The following CDC42BPG variants were observed in gnomAD, a reference collection of about 807,000 sequenced individuals.
CDC42BPG encodes the protein serine/threonine-protein kinase MRCK gamma.
In CDC42BPG, 157 loss-of-function variants were observed where a neutral mutation model predicts 192.2. That is an observed-to-expected ratio of 0.82 (90% CI 0.72 to 0.93). The LOEUF (loss-of-function observed/expected upper bound fraction) is 0.93. CDC42BPG is among the 40% of genes least tolerant of loss of function. The pLI is 0.00. For missense variants in CDC42BPG, 1,992 were observed against 2,122.1 expected (o/e 0.94, Z 1.20); for synonymous variants, 981 against 918.5 (o/e 1.07, Z -1.23).
intron 3 of CDC42BPG, 39 bp from the exon 4 acceptor site, chr11:64,840,687 CA>C: frequency 1.3e-6 from 2 of 1,590,052 alleles, no homozygotes; most frequent in Non-Finnish European, 1.7e-6. Flanking sequence ...GGGGTGGGAT[CA>C]GAGCCCAGGA....
Position 64,839,609 on chromosome 11 carries a change from CTGTG to C in CDC42BPG, c.582-42_582-39del, listed in dbSNP as rs574024522. 91 of 1,577,476 alleles carry C rather than the reference CTGTG, an allele frequency of 5.8e-5. No individual in the cohort carries two copies. The African/African-American group carries it at 1.0e-3, about 18-fold the overall frequency. ...AGGCAGGGAGAGTGAGGCGTTTGAC[CTGTG>C]TGTAAGTGGCCATTTAGGCACACGC... On this transcript the variant is annotated intron_variant, in intron 5 of 36. Transcript: ENST00000342711.
chr11:64,842,476 C>T (rs188246095), intron 1 of CDC42BPG, among the ~76,000 whole-genome samples: 9 of 152,248 alleles, frequency 5.9e-5, no homozygotes, highest in Admixed American at 2.6e-4. Context: ...ATGCTTCCCA[C>T]GTGGGGCCCC....
At chr11:64,836,714 G>GGGC in intron 11 of CDC42BPG, 25 bp downstream of exon 11, 3 of 866,540 alleles carry the variant, frequency 3.5e-6, no homozygotes, top group East Asian at 2.9e-5. Flanking sequence ...CCTGGGGGGG[G>GGGC]GGGGGGGGTG....
Position 64,827,146 on chromosome 11 carries a change from A to T in CDC42BPG, c.4293T>A (p.Phe1431Leu). Residue 1431 changes from phenylalanine to leucine, a missense_variant, in exon 34 of 37, where the codon TTT becomes TTA. By Grantham distance (22) the Phe-to-Leu change is conservative (BLOSUM62 0). Transcript: ENST00000342711. ...QQRREMLKDP[F>L]VRSKLISPPT... ...GCGGCGAGATGAGCTTGGAGCGCAC[A>T]AAAGGGTCCTTCAGCATCTCCCTGT... The T allele has an allele frequency of 6.2e-7, 1 of 1,614,022 alleles. No homozygotes were observed. The highest frequency in any genetic ancestry group is 8.5e-7 in the Non-Finnish European group (1 of 1,179,932).
In CDC42BPG at chr11:64,831,521, G is replaced by A. The variant is rs1014700442; in HGVS notation, c.3288C>T (p.Leu1096=). ...DNGLPLLPHT[L]CAAILDQDRL... ...CCAGCTCACCGAGGATGGCAGCGCA[G>A]AGCGTGTGAGGCAGCAGCGGCAGCC... Residue 1096 remains leucine (L), a synonymous_variant, in exon 28 of 37, where the codon CTC becomes CTT. Transcript: ENST00000342711. 4 of 1,610,076 alleles carry A rather than the reference G, an allele frequency of 2.5e-6. No individual in the cohort carries two copies. The highest frequency in any genetic ancestry group is 1.1e-5 in the South Asian group (1 of 90,904).
chr11:64,840,013 G>A, intron 5 of CDC42BPG, 107 bp downstream of exon 5: 1 of 1,140,128 alleles, frequency 8.8e-7, no homozygotes, highest in Non-Finnish European at 1.2e-6. Flanking sequence ...CCAGAGAAGT[G>A]CCTGGCACAT....
Position 64,836,295 on chromosome 11 carries a change from T to C in CDC42BPG, c.1490A>G (p.Glu497Gly). 6.2e-7 allele frequency: 1 copy of C among 1,607,480 alleles called. No homozygotes were observed. The highest frequency in any genetic ancestry group is 1.1e-5 in the South Asian group (1 of 90,690). Residue 497 changes from glutamate (E) to glycine (G), a missense_variant and splice_region_variant, in exon 13 of 37, where the codon GAG becomes GGG. Coordinates refer to ENST00000342711, the MANE Select transcript of CDC42BPG (RefSeq NM_017525.3). ...CAGCCCTGCCCGACCCTCGGCCAGC[T>C]CCTGAGGAGGCAGGGGAGGGAGCGG... ...LRQELDRLHR[E>G]LAEGRAGLQA...
At position 64,840,169 on chromosome 11, in the gene CDC42BPG, C is replaced by G; in HGVS notation, c.532G>C (p.Glu178Gln). Reference protein sequence around the residue: ...PPELAQFYLAEMVLAIHSLHQ... With the variant: ...PPELAQFYLAQMVLAIHSLHQ... ...AGCGAGTGGATGGCCAGCACCATCT[C>G]AGCCAGGTAGAACTGGGCCAGCTCG... Residue 178 changes from glutamate to glutamine, a missense_variant, in exon 5 of 37, where the codon GAG (glutamate) becomes CAG (glutamine). Physicochemically the swap from Glu to Gln is conservative, Grantham distance 29. Transcript: ENST00000342711. The G allele has an allele frequency of 6.2e-7, 1 of 1,613,120 alleles. No individual in the cohort carries two copies. Among genetic ancestry groups the G allele is most frequent in the Non-Finnish European group, 8.5e-7 (1 of 1,179,938 alleles).
At position 64,831,381 on chromosome 11, in the gene CDC42BPG, G is replaced by A. The variant is rs1428084526; in HGVS notation, c.3304+124C>T. 18 of 897,556 alleles carry A rather than the reference G, an allele frequency of 2.0e-5. 1 individual carries two copies. Among genetic ancestry groups the A allele is most frequent in the South Asian group, 1.3e-4 (8 of 61,598 alleles). 55.6% of individuals were successfully genotyped at this position (897,556 alleles called of 1,614,324 possible). ...CAGGAGGCTGGAGCACATACGTGGT[G>A]CAAGGCAGTCTGTGTCTCGTGGCTG... On this transcript the variant is annotated intron_variant, in intron 28 of 36. Transcript: ENST00000342711.
At chr11:64,844,308 A>G in intron 1 of CDC42BPG, 102 bp downstream of exon 1, 1 of 1,149,794 alleles carries the variant, frequency 8.7e-7, no homozygotes, top group Non-Finnish European at 1.1e-6. Context: ...CTGCGAGGGA[A>G]GCCCGTGGGG....
intron 12 of CDC42BPG, 62 bp from the exon 13 acceptor site, chr11:64,836,358 T>C: frequency 1.4e-6 from 2 of 1,438,380 alleles, no homozygotes; most frequent in Non-Finnish European, 9.6e-7. Flanking sequence ...GAACCGTCCA[T>C]GGAGCCCAGG....
At chr11:64,841,125 T>C (rs973173345) in intron 3 of CDC42BPG, among the ~76,000 whole-genome samples, 22 of 148,146 alleles carry the variant, frequency 1.5e-4, no homozygotes, top group African/African-American at 5.3e-4. Context: ...CACTCCAGCC[T>C]GGGTGACAGA....
rs55975541 is a variant in CDC42BPG at position 64,829,729 on chromosome 11, G to A, written c.3709C>T (p.Arg1237Trp). The stretch of plus-strand genomic sequence containing the variant: ...CCACCGGCGGCGCCCACACATAGCC[G>A]GTCGCCCAGCAGCCCCAGGCTCTGC... ...TVQSLGLLGD[R>W]LCVGAAGGFA... is the part of the protein sequence containing the mutation. Residue 1237 changes from arginine to tryptophan, a missense_variant, in exon 30 of 37, where the codon CGG (arginine) becomes TGG (tryptophan). Transcript: ENST00000342711. 6.7e-3 allele frequency: 10,747 copies of A among 1,608,920 alleles called. 537 individuals carry two copies. The East Asian group carries it at 0.15, about 22-fold the overall frequency.
At chr11:64,827,987 C>T (rs905193107) in intron 30 of CDC42BPG, among the ~76,000 whole-genome samples, 1 of 152,206 alleles carries the variant, frequency 6.6e-6, no homozygotes, top group Non-Finnish European at 1.5e-5. Context: ...CTAAACACGA[C>T]ATGCTTTTCC....
chr11:64,841,637 A>G lies in CDC42BPG; in HGVS notation c.336+13T>C, dbSNP rs1214271485. 6.3e-7 allele frequency: 1 copy of G among 1,598,634 alleles called. No homozygotes were observed. On this transcript the variant is annotated intron_variant, in intron 3 of 36. Transcript: ENST00000342711. ...TGTAGGGTGCCCAAGGGCCCCCCAG[A>G]CTCCACACTGACCTCAGCCCTCTTC...
chr11:64,835,017 T>TGCCCCCC, intron 17 of CDC42BPG, 30 bp downstream of exon 17: 11 of 1,571,928 alleles, frequency 7.0e-6, no homozygotes, highest in Non-Finnish European at 9.6e-6. Context: ...TCGCCTGCGT[T>TGCCCCCC]CCCCACCCCG....
At position 64,836,416 on chromosome 11, in the gene CDC42BPG, C is replaced by T. The variant is rs1942992122; in HGVS notation, c.1488+11G>A. On this transcript the variant is annotated intron_variant, in intron 12 of 36. Coordinates refer to ENST00000342711, the MANE Select transcript of CDC42BPG (RefSeq NM_017525.3). ...CTCACCCAGCCCTCACCCACCTCACCCAGCCCTCACCCGGTGAAGTCGGTC... is the reference window on the plus strand; with the variant it reads ...CTCACCCAGCCCTCACCCACCTCACTCAGCCCTCACCCGGTGAAGTCGGTC... The T allele has an allele frequency of 1.2e-6, 2 of 1,611,328 alleles. No individual in the cohort carries two copies. Among genetic ancestry groups the T allele is most frequent in the African/African-American group, 1.3e-5 (1 of 74,846 alleles).
At chr11:64,826,610 C>T in intron 35 of CDC42BPG, 55 bp from the exon 36 acceptor site, 1 of 1,559,220 alleles carries the variant, frequency 6.4e-7, no homozygotes, top group Non-Finnish European at 8.7e-7. Context: ...TTCAGGGATC[C>T]AAAGGGGGTA....
intron 23 of CDC42BPG, 119 bp downstream of exon 23, chr11:64,833,481 C>T: frequency 9.3e-7 from 1 of 1,071,982 alleles, no homozygotes; most frequent in Non-Finnish European, 1.3e-6. Flanking sequence ...CTCATCGCCA[C>T]CACCTCCACC....
Sources: gnomAD v4.1 joint callset for allele counts (sites outside exome capture counted in the v4.1 genomes callset) on GRCh38, gnomAD v4.1.1 for gene constraint, MANE v1.5 for transcripts, NCBI Gene and HGNC (gene_info 2026-07-23, HGNC 2026-07-21) for gene names.